KCND2: variants seen among roughly 807,000 people sequenced by gnomAD.
KCND2 encodes potassium voltage-gated channel subfamily D member 2.
KCND2 carries 16 observed loss-of-function variants against 54.4 expected under a neutral mutation model. The ratio of observed to expected loss-of-function variants is 0.29; its 90% CI spans 0.20 to 0.45. The LOEUF is 0.45. Ranked by LOEUF, KCND2 falls within the 20% of genes least tolerant of loss-of-function variation. The probability of loss-of-function intolerance (pLI) is 1.00; values close to 1 mark genes in which losing one functional copy is unlikely to be tolerated. For synonymous variants in KCND2, 317 were observed against 310.7 expected (o/e 1.02, Z -0.21); for missense variants, 486 against 824.2 (o/e 0.59, Z 5.02).
At chr7:120,506,767 CTT>C (rs1408340446) in intron 1 of KCND2, among the ~76,000 whole-genome samples, 2 of 151,826 alleles carry the variant, frequency 1.3e-5, no homozygotes, top group African/African-American at 4.8e-5. Flanking sequence ...AAAGATAACA[CTT>C]TGCAGAATTG....
intron 1 of KCND2, among the ~76,000 whole-genome samples, chr7:120,493,094 G>A (rs1370711035): frequency 6.6e-6 from 1 of 151,756 alleles, no homozygotes; most frequent in Non-Finnish European, 1.5e-5. Context: ...TGCCTTGGGG[G>A]CTTAGAATTT....
intron 1 of KCND2, among the ~76,000 whole-genome samples, chr7:120,628,552 A>G (rs1793189541): frequency 6.6e-6 from 1 of 152,200 alleles, no homozygotes; most frequent in Non-Finnish European, 1.5e-5. Flanking sequence ...GAATAAGTCA[A>G]GATTTGAGAG....
At chr7:120,370,506 A>G (rs1186221337) in intron 1 of KCND2, among the ~76,000 whole-genome samples, 1 of 152,054 alleles carries the variant, frequency 6.6e-6, no homozygotes, top group African/African-American at 2.4e-5. Flanking sequence ...TACAGAAGCC[A>G]TGGACACCTT....
chr7:120,667,005 A>G (rs895324006), intron 1 of KCND2, among the ~76,000 whole-genome samples: 29 of 152,004 alleles, frequency 1.9e-4, no homozygotes, highest in Admixed American at 1.6e-3. Flanking sequence ...AGAGAGACAG[A>G]AGGAAATAAA....
chr7:120,406,164 C>T (rs1045937410), intron 1 of KCND2, among the ~76,000 whole-genome samples: 2 of 151,722 alleles, frequency 1.3e-5, no homozygotes, highest in African/African-American at 2.4e-5. Context: ...GCCTACCAAT[C>T]GTTAAATAAA....
At chr7:120,327,277 A>G (rs1311895571) in intron 1 of KCND2, among the ~76,000 whole-genome samples, 2 of 152,100 alleles carry the variant, frequency 1.3e-5, no homozygotes, top group African/African-American at 4.8e-5. Context: ...CACAGGATGT[A>G]CATTAAACCT....
intron 1 of KCND2, among the ~76,000 whole-genome samples, chr7:120,696,123 A>G (rs1792330230): frequency 6.6e-6 from 1 of 152,202 alleles, no homozygotes; most frequent in Non-Finnish European, 1.5e-5. Flanking sequence ...AACTCAAACT[A>G]CAATTTATTT....
intron 1 of KCND2, among the ~76,000 whole-genome samples, chr7:120,447,418 C>T (rs1802032392): frequency 6.6e-6 from 1 of 151,586 alleles, no homozygotes; most frequent in African/African-American, 2.4e-5. Context: ...CTCAGTTTTC[C>T]CCCTAATTTT....
intron 1 of KCND2, among the ~76,000 whole-genome samples, chr7:120,345,157 C>A (rs758172196): frequency 2.6e-4 from 40 of 152,090 alleles, no homozygotes; most frequent in Admixed American, 2.4e-3. Context: ...TGCAGACATT[C>A]ATAGAGAATT....
chr7:120,465,675 G>A (rs1296770569), intron 1 of KCND2, among the ~76,000 whole-genome samples: 1 of 144,174 alleles, frequency 6.9e-6, no homozygotes, highest in East Asian at 1.9e-4. Flanking sequence ...AGATAGACCT[G>A]TCTGTCTGTC....
intron 1 of KCND2, among the ~76,000 whole-genome samples, chr7:120,281,012 A>C (rs944904616): frequency 6.6e-6 from 1 of 152,108 alleles, no homozygotes; most frequent in Non-Finnish European, 1.5e-5. Flanking sequence ...ATATAATACA[A>C]CCTTGTATTC....
intron 1 of KCND2, among the ~76,000 whole-genome samples, chr7:120,604,406 G>A (rs1792852971): frequency 6.6e-6 from 1 of 150,898 alleles, no homozygotes; most frequent in Non-Finnish European, 1.5e-5. Context: ...ACTGAGGCAG[G>A]AGAATCACTT....
intron 1 of KCND2, among the ~76,000 whole-genome samples, chr7:120,670,259 T>C (rs1246257905): frequency 1.3e-5 from 2 of 152,158 alleles, no homozygotes; most frequent in Non-Finnish European, 2.9e-5. Flanking sequence ...TTCAGGATCA[T>C]ATAGAATTTC....
At chr7:120,663,662 A>G (rs77127987) in intron 1 of KCND2, among the ~76,000 whole-genome samples, 1,646 of 152,320 alleles carry the variant, frequency 0.011, 24 homozygotes, top group African/African-American at 0.035. Context: ...CTATGCTCAC[A>G]AAAATGTGCT....
At chr7:120,678,424 CAT>C (rs944019447) in intron 1 of KCND2, among the ~76,000 whole-genome samples, 1 of 139,748 alleles carries the variant, frequency 7.2e-6, no homozygotes, top group African/African-American at 2.5e-5. Flanking sequence ...CACATACACA[CAT>C]ATATATACAC....
At chr7:120,557,159 A>G (rs565103678) in intron 1 of KCND2, among the ~76,000 whole-genome samples, 14 of 152,202 alleles carry the variant, frequency 9.2e-5, no homozygotes, top group Non-Finnish European at 2.1e-4. Flanking sequence ...CTTAATTGAT[A>G]CATAACAGAT....
intron 4 of KCND2, 102 bp downstream of exon 4, chr7:120,742,704 A>C: frequency 1.1e-6 from 1 of 890,892 alleles, no homozygotes; most frequent in Middle Eastern, 2.2e-4. Flanking sequence ...TGTCTGCATT[A>C]CTGGAAAACA....
intron 1 of KCND2, among the ~76,000 whole-genome samples, chr7:120,526,438 T>C (rs1264764423): frequency 1.3e-5 from 2 of 152,154 alleles, no homozygotes; most frequent in Non-Finnish European, 2.9e-5. Flanking sequence ...CTTTATCTTA[T>C]AATGACCTAC....
chr7:120,440,045 C>T (rs190028905), intron 1 of KCND2, among the ~76,000 whole-genome samples: 1 of 152,110 alleles, frequency 6.6e-6, no homozygotes, highest in East Asian at 1.9e-4. Flanking sequence ...TATGGCAGTT[C>T]TATTTTTAAT....
Sources: allele counts gnomAD v4.1 joint callset (sites outside exome capture counted in the v4.1 genomes callset), GRCh38; gene constraint gnomAD v4.1.1; transcripts MANE v1.5; gene names NCBI Gene and HGNC (gene_info 2026-07-23, HGNC 2026-07-21).